The following KRT85 variants were observed in gnomAD, a reference collection of about 807,000 sequenced individuals.
KRT85 encodes keratin 85.
A neutral mutation model predicts 53.7 loss-of-function variants in KRT85; 39 were observed. The ratio of observed to expected loss-of-function variants is 0.73; its 90% confidence interval spans 0.56 to 0.95. The LOEUF (loss-of-function observed/expected upper bound fraction) is 0.95, where lower values mean the gene tolerates loss of function less well. Among genes scored for constraint, KRT85 ranks in the 40% least tolerant of loss-of-function variants. The pLI is 0.00. For synonymous variants in KRT85, 291 were observed against 277.5 expected (o/e 1.05, Z -0.48); for missense variants, 668 against 686.0 (o/e 0.97, Z 0.29).
At chr12:52,361,316 T>C (rs888555981) in intron 8 of KRT85, 151 bp downstream of exon 8, 4 of 820,604 alleles carry the variant, frequency 4.9e-6, no homozygotes, top group Non-Finnish European at 8.5e-6. Flanking sequence ...TCAGCTCAGC[T>C]TTCTCTAACA....
At chr12:52,366,270 G>A (rs774456962) in intron 1 of KRT85, among the ~76,000 whole-genome samples, 1 of 152,228 alleles carries the variant, frequency 6.6e-6, no homozygotes, top group Non-Finnish European at 1.5e-5. Flanking sequence ...ACCTACCACT[G>A]TCCTTGGAAA....
Position 52,367,316 on chromosome 12 carries a change from G to A in KRT85, c.90C>T (p.Asn30=). ...SCSAVAPKTG[N]RCCISAAPYR... ...AGGGGGCGGCGCTGATGCAGCAGCG[G>A]TTGCCAGTTTTGGGGGCCACAGCTG... The change falls in exon 1 of 9, where the codon AAC becomes AAT. Residue 30 remains asparagine (N), a synonymous_variant. Transcript: ENST00000257901. 6.2e-7 allele frequency: 1 copy of A among 1,614,004 alleles called. No homozygotes were observed. Among genetic ancestry groups the A allele is most frequent in the Non-Finnish European group, 8.5e-7 (1 of 1,179,940 alleles).
intron 1 of KRT85, among the ~76,000 whole-genome samples, chr12:52,365,640 C>T (rs1418557737): frequency 1.3e-5 from 2 of 152,140 alleles, no homozygotes; most frequent in South Asian, 4.1e-4. Context: ...AGTGCCAAGG[C>T]CTGTGGTAAG....
intron 2 of KRT85, chr12:52,364,617 AT>A: frequency 6.9e-7 from 1 of 1,439,682 alleles, no homozygotes; most frequent in Admixed American, 2.8e-5. Flanking sequence ...GTCTAAAATC[AT>A]CTGTGCATCC....
rs1939252435 is a variant in KRT85 at position 52,365,096 on chromosome 12, C to G, written c.495G>C (p.Glu165Asp). The stretch of plus-strand genomic sequence containing the variant: ...CACTGAACAGTGGCTCCAGGTTGCT[C>G]TCGCAGCAGCGCTGGTTCTGGTAGA... ...WQFYQNQRCC[E>D]SNLEPLFSGY... The change falls in exon 2 of 9, where the codon GAG (glutamate) becomes GAC (aspartate). Residue 165 changes from glutamate to aspartate, a missense_variant. Glu to Asp is a conservative substitution (Grantham distance 45). Coordinates refer to ENST00000257901, the MANE Select transcript of KRT85 (RefSeq NM_002283.4). 6.2e-7 allele frequency: 1 copy of G among 1,614,162 alleles called. No individual in the cohort carries two copies. The highest frequency in any genetic ancestry group is 1.3e-5 in the African/African-American group (1 of 75,070).
At position 52,367,065 on chromosome 12, in the gene KRT85, G is replaced by C; in HGVS notation, c.341C>G (p.Pro114Arg). Reference protein sequence around the residue: ...LLTPLNLEIDPNAQCVKQEEK... With the variant: ...LLTPLNLEIDRNAQCVKQEEK... ...CTCCTGCTTCACGCACTGTGCGTTG[G>C]GGTCGATCTCCAGGTTGAGGGGCGT... The change falls in exon 1 of 9, where the codon CCC becomes CGC. Residue 114 changes from proline (P) to arginine (R), a missense_variant. By Grantham distance (103) the Pro-to-Arg change is moderately radical. Around this residue, in one of 3 missense-constraint regions of KRT85, gnomAD observed 22 missense variants for 46.0 expected, o/e 0.48. Transcript: ENST00000257901. The C allele has an allele frequency of 1.2e-6, 2 of 1,613,648 alleles. No individual in the cohort carries two copies. The highest frequency in any genetic ancestry group is 1.3e-5 in the African/African-American group (1 of 75,056).
At position 52,366,982 on chromosome 12, in the gene KRT85, C is replaced by T. The variant is rs780795139; in HGVS notation, c.420+4G>A. On this transcript the variant is annotated splice_donor_region_variant and intron_variant, in intron 1 of 8. Transcript: ENST00000257901. ...TTCTCTGGGCCGTCTCAGGCCTCACCCACCTTGTCGATGAAGGCCGCGAAC... is the reference window on the plus strand; with the variant it reads ...TTCTCTGGGCCGTCTCAGGCCTCACTCACCTTGTCGATGAAGGCCGCGAAC... 1 of 1,614,008 alleles carries T rather than the reference C, an allele frequency of 6.2e-7. No individual in the cohort carries two copies. The highest frequency in any genetic ancestry group is 8.5e-7 in the Non-Finnish European group (1 of 1,179,886).
In KRT85 at chr12:52,360,716, C is replaced by T. The variant is rs937083212; in HGVS notation, c.*137G>A. On this transcript the variant is annotated 3_prime_UTR_variant, in exon 9 of 9. Coordinates refer to ENST00000257901, the MANE Select transcript of KRT85 (RefSeq NM_002283.4). ...GCAGGGGAGCGGCCCGAGGGTCTTT[C>T]CCTCTGTAGGTCTTTCCCTCTGTAG... 2.0e-6 allele frequency: 2 copies of T among 1,016,216 alleles called. No individual in the cohort carries two copies. The highest frequency in any genetic ancestry group is 2.4e-5 in the East Asian group (1 of 41,376). 62.9% of individuals were successfully genotyped at this position (1,016,216 alleles called of 1,614,324 possible). A position where few individuals can be genotyped will look rare whatever the true frequency, so the allele number is the denominator to read the frequency against.
chr12:52,363,462 G>A (rs768650216), intron 4 of KRT85, 52 bp from the exon 5 acceptor site: 28 of 1,602,420 alleles, frequency 1.7e-5, no homozygotes, highest in African/African-American at 8.0e-5. Flanking sequence ...TCTGGGCCAC[G>A]TGATCCACCC....
rs1418054158 is a variant in KRT85, at chr12:52,362,476, C to T, written c.1078-5G>A. On this transcript the variant is annotated splice_region_variant and splice_polypyrimidine_tract_variant and intron_variant, in intron 6 of 8. Transcript: ENST00000257901. ...AGCAGCCTCCAGCTTGGCACGCTAT[C>T]AGGTGGAGATACAAGGGCCAGGATG... The T allele has an allele frequency of 6.2e-7, 1 of 1,614,008 alleles. No homozygotes were observed. The highest frequency in any genetic ancestry group is 8.5e-7 in the Non-Finnish European group (1 of 1,179,954).
At position 52,360,943 on chromosome 12, in the gene KRT85, G is replaced by C. The variant is rs1173196274; in HGVS notation, c.1434C>G (p.Ile478Met). 4.3e-6 allele frequency: 7 copies of C among 1,613,162 alleles called. No homozygotes were observed. Among genetic ancestry groups the C allele is most frequent in the Non-Finnish European group, 5.9e-6 (7 of 1,179,976 alleles). Residue 478 changes from isoleucine (I) to methionine (M), a missense_variant, in exon 9 of 9, where the codon ATC becomes ATG. Physicochemically the swap from Ile to Met is conservative, Grantham distance 10 (BLOSUM62 1). Transcript: ENST00000257901. ...CACAGGAGTCAGGGGCCACCACCGTGATGCTGCCGCCTATGGCTGAGGGGC... is the reference window on the plus strand; with the variant it reads ...CACAGGAGTCAGGGGCCACCACCGTCATGCTGCCGCCTATGGCTGAGGGGC... ...TSGPSAIGGS[I>M]TVVAPDSCAP...
chr12:52,363,204 C>T, intron 5 of KRT85, 42 bp downstream of exon 5: 1 of 1,612,222 alleles, frequency 6.2e-7, no homozygotes, highest in Admixed American at 1.7e-5. Flanking sequence ...TAACTTCCCT[C>T]CCACTGCCAT....
At position 52,365,052 on chromosome 12, in the gene KRT85, C is replaced by G. The variant is rs201610119; in HGVS notation, c.539G>C (p.Arg180Pro). 6.2e-7 allele frequency: 1 copy of G among 1,613,724 alleles called. No homozygotes were observed. Among genetic ancestry groups the G allele is most frequent in the Non-Finnish European group, 8.5e-7 (1 of 1,180,040 alleles). The change falls in exon 2 of 9, where the codon CGG becomes CCG. Residue 180 changes from arginine (R) to proline (P), a missense_variant. By Grantham distance (103) the Arg-to-Pro change is moderately radical. This residue lies in a region of KRT85 where 488 missense variants were observed against 498.1 expected (regional missense o/e 0.98). Coordinates refer to ENST00000257901, the MANE Select transcript of KRT85 (RefSeq NM_002283.4). ...GGCCTCCACGCACTCGGCCTCCCGC[C>G]GCAGAGTCTCGATGTAGCCACTGAA... Reference protein sequence around the residue: ...PLFSGYIETLRREAECVEADS... With the variant: ...PLFSGYIETLPREAECVEADS...
rs1371907526 is a variant in KRT85, at chr12:52,360,896, G to A, written c.1481C>T (p.Ser494Phe). ...CCGGCTACTCCCGCAGCTGAAGCTG[G>A]AGGAACGAGGCTGGCAGGGGGCACA... ...DSCAPCQPRS[S>F]SFSCGSSRSV... Residue 494 changes from serine to phenylalanine, a missense_variant, in exon 9 of 9, where the codon TCC becomes TTC. Ser to Phe is a radical substitution (Grantham distance 155). This residue lies in a region of KRT85 where 488 missense variants were observed against 498.1 expected (regional missense o/e 0.98). Coordinates refer to ENST00000257901, the MANE Select transcript of KRT85 (RefSeq NM_002283.4). 3 of 1,612,380 alleles carry A rather than the reference G, an allele frequency of 1.9e-6. No homozygotes were observed. The highest frequency in any genetic ancestry group is 1.7e-6 in the Non-Finnish European group (2 of 1,180,042).
rs374713447 is a variant in KRT85, at chr12:52,362,897, A to G, written c.1034T>C (p.Met345Thr). The change falls in exon 6 of 9, where the codon ATG becomes ACG. Residue 345 changes from methionine to threonine, a missense_variant. Physicochemically the swap from Met to Thr is moderately conservative, Grantham distance 81 (BLOSUM62 -1). Transcript: ENST00000257901. ...AATCTCGGCCGTCAGCCTCTGGATC[A>G]TGCGGTTCAGCTCGTTGATCTCCTC... Reference protein sequence around the residue: ...TKEEINELNRMIQRLTAEIEN... With the variant: ...TKEEINELNRTIQRLTAEIEN... 1 of 1,614,150 alleles carries G rather than the reference A, an allele frequency of 6.2e-7. No homozygotes were observed. Among genetic ancestry groups the G allele is most frequent in the Non-Finnish European group, 8.5e-7 (1 of 1,180,036 alleles).
In KRT85 at chr12:52,362,969, A is replaced by G. The variant is rs749994829; in HGVS notation, c.962T>C (p.Met321Thr). 1.9e-6 allele frequency: 3 copies of G among 1,613,896 alleles called. No homozygotes were observed. The East Asian group carries it at 6.7e-5, about 36-fold the overall frequency. Residue 321 changes from methionine to threonine, a missense_variant, in exon 6 of 9, where the codon ATG (methionine) becomes ACG (threonine). Physicochemically the swap from Met to Thr is moderately conservative, Grantham distance 81. Coordinates refer to ENST00000257901, the MANE Select transcript of KRT85 (RefSeq NM_002283.4). Reference protein sequence around the residue: ...ESWYRSKCEEMKATVIRHGET... With the variant: ...ESWYRSKCEETKATVIRHGET... ...CCCATGCCTGATCACCGTGGCCTTC[A>G]TCTCCTCACACTGGAGGAAGTAGAG...
chr12:52,361,592 CAG>C (rs1191814721), intron 7 of KRT85, 94 bp from the exon 8 acceptor site: 14 of 1,152,698 alleles, frequency 1.2e-5, no homozygotes, highest in Non-Finnish European at 1.8e-5. Context: ...ATCCTGTGTA[CAG>C]AGTCTACCCC....
chr12:52,362,814 C>G, intron 6 of KRT85, 40 bp downstream of exon 6: 1 of 1,614,158 alleles, frequency 6.2e-7, no homozygotes. Flanking sequence ...GGTGCTGCAG[C>G]CTGCCTGTGC....
Position 52,362,918 on chromosome 12 carries a change from T to C in KRT85, c.1013A>G (p.Glu338Gly), listed in dbSNP as rs1257335893. The C allele has an allele frequency of 1.2e-6, 2 of 1,613,984 alleles. No homozygotes were observed. The highest frequency in any genetic ancestry group is 2.2e-5 in the East Asian group (1 of 44,860). ...HGETLRRTKE[E>G]INELNRMIQR... Reference sequence around the variant, plus strand: ...GATCATGCGGTTCAGCTCGTTGATCTCCTCCTTGGTGCGGCGCAGGGTCTC... The same window carrying C: ...GATCATGCGGTTCAGCTCGTTGATCCCCTCCTTGGTGCGGCGCAGGGTCTC... Residue 338 changes from glutamate to glycine, a missense_variant, in exon 6 of 9, where the codon GAG becomes GGG. Around this residue, in one of 3 missense-constraint regions of KRT85, gnomAD observed 488 missense variants for 498.1 expected, o/e 0.98. Transcript: ENST00000257901.
Sources: gnomAD v4.1 joint callset for allele counts (sites outside exome capture counted in the v4.1 genomes callset) on GRCh38, gnomAD v4.1.1 for gene constraint, gnomAD v4.1.1 regional missense constraint, MANE v1.5 for transcripts, NCBI Gene and HGNC (gene_info 2026-07-23, HGNC 2026-07-21) for gene names.